SEC62: variants seen among roughly 807,000 people sequenced by gnomAD.
The protein encoded by SEC62 is SEC62 preprotein translocation factor, also known as translocation protein SEC62.
A neutral mutation model predicts 47.5 loss-of-function variants in SEC62; 10 were observed. The ratio of observed to expected loss-of-function variants is 0.21; its 90% confidence interval spans 0.13 to 0.36. SEC62 has a LOEUF of 0.36. Ranked by LOEUF, SEC62 falls within the 10% of genes least tolerant of loss-of-function variation. SEC62 has a pLI of 1.00. For synonymous variants in SEC62, 136 were observed against 150.5 expected (o/e 0.90, Z 0.71); for missense variants, 327 against 464.1 (o/e 0.70, Z 2.71).
At chr3:169,976,231 T>C (rs970835213) in intron 2 of SEC62, among the ~76,000 whole-genome samples, 11 of 152,084 alleles carry the variant, frequency 7.2e-5, no homozygotes, top group South Asian at 4.1e-4. Context: ...ACCCCATCTC[T>C]ACAAAAAAAT....
chr3:169,979,199 C>CT (rs752436303), intron 3 of SEC62, among the ~76,000 whole-genome samples: 10 of 152,166 alleles, frequency 6.6e-5, no homozygotes, highest in Non-Finnish European at 1.2e-4. Flanking sequence ...AATAGCATAA[C>CT]TTTAAGGTCT....
At chr3:169,979,272 A>G (rs780299174) in intron 3 of SEC62, among the ~76,000 whole-genome samples, 1 of 152,214 alleles carries the variant, frequency 6.6e-6, no homozygotes, top group Admixed American at 6.5e-5. Flanking sequence ...TTGCTGCCCA[A>G]TAGCAGACAA....
At chr3:169,972,906 T>C (rs1714733808) in intron 1 of SEC62, among the ~76,000 whole-genome samples, 1 of 152,178 alleles carries the variant, frequency 6.6e-6, no homozygotes, top group African/African-American at 2.4e-5. Context: ...AGGTCACATT[T>C]ATTCAGACTT....
rs555668742 is a variant in SEC62 at position 169,967,450 on chromosome 3, A to C, written c.36+592A>C. ...CCCTTCTTTCCCTTCAATATTATTAACTTAATAGTCCACTTGAAGCTTGCC... is the reference window on the plus strand; with the variant it reads ...CCCTTCTTTCCCTTCAATATTATTACCTTAATAGTCCACTTGAAGCTTGCC... On this transcript the variant is annotated intron_variant, in intron 1 of 7. Coordinates refer to ENST00000337002, the MANE Select transcript of SEC62 (RefSeq NM_003262.4). Among the ~76,000 whole-genome samples the C allele has an allele frequency of 3.9e-5, 6 of 152,206 alleles. No individual in the cohort carries two copies. The South Asian group carries it at 1.2e-3, about 32-fold the overall frequency.
intron 1 of SEC62, among the ~76,000 whole-genome samples, chr3:169,974,404 T>C (rs2108280991): frequency 6.6e-6 from 1 of 152,342 alleles, no homozygotes. Context: ...TATACAAAGA[T>C]AGACTGCCTT....
At chr3:169,978,115 T>C (rs927775834) in intron 3 of SEC62, among the ~76,000 whole-genome samples, 4 of 151,966 alleles carry the variant, frequency 2.6e-5, no homozygotes, top group Non-Finnish European at 4.4e-5. Context: ...CCATCTCTAC[T>C]AAAAATACAA....
Position 169,993,311 on chromosome 3 carries a change from T to G in SEC62, c.*248T>G, listed in dbSNP as rs781343023. 2.8e-6 allele frequency: 1 copy of G among 355,864 alleles called. No individual in the cohort carries two copies. Among genetic ancestry groups the G allele is most frequent in the Non-Finnish European group, 5.1e-6 (1 of 197,444 alleles). The allele number at this position is 355,864 out of a possible 1,614,324, so 22.0% of individuals were successfully genotyped here. A position where few individuals can be genotyped will look rare whatever the true frequency, so the allele number is the denominator to read the frequency against. On this transcript the variant is annotated 3_prime_UTR_variant, in exon 8 of 8. Transcript: ENST00000337002. The stretch of plus-strand genomic sequence containing the variant: ...TTACAGTAAGTAGGTCTCATTCATT[T>G]TGACAGTTATCAAAGATGTACTTTC...
At chr3:169,982,686 C>T (rs11925852) in intron 3 of SEC62, 21 bp from the exon 4 acceptor site, 2 of 1,602,062 alleles carry the variant, frequency 1.2e-6, no homozygotes, top group Non-Finnish European at 8.5e-7. Context: ...GAGTGTAATG[C>T]CATACCTGTT....
chr3:169,991,041 A>C (rs1261333842), intron 7 of SEC62, among the ~76,000 whole-genome samples: 1 of 152,224 alleles, frequency 6.6e-6, no homozygotes, highest in African/African-American at 2.4e-5. Context: ...TCAGCTCTAC[A>C]TAATTGGTAA....
At chr3:169,989,138 A>G (rs1001879417) in intron 7 of SEC62, among the ~76,000 whole-genome samples, 3 of 150,800 alleles carry the variant, frequency 2.0e-5, no homozygotes, top group Non-Finnish European at 4.4e-5. Flanking sequence ...CTGTCACCCA[A>G]GCTGAAGTGC....
chr3:169,983,904 A>G (rs1315454406), intron 5 of SEC62: 1 of 152,236 alleles, frequency 6.6e-6, no homozygotes, highest in Non-Finnish European at 1.5e-5. Flanking sequence ...TATCTCTTAC[A>G]GAATGTAAGT....
intron 1 of SEC62, among the ~76,000 whole-genome samples, chr3:169,967,288 G>A (rs1050395320): frequency 2.6e-5 from 4 of 152,210 alleles, no homozygotes; most frequent in Non-Finnish European, 5.9e-5. Flanking sequence ...CGGTAATAGG[G>A]GTAGCAGGAG....
chr3:169,982,499 T>C, intron 3 of SEC62: 1 of 522,372 alleles, frequency 1.9e-6, no homozygotes, highest in Admixed American at 2.7e-5. Flanking sequence ...TGAATATCAC[T>C]GAGTTTTGAC....
At position 169,997,459 on chromosome 3, in the gene SEC62, G is replaced by GGT. The variant is rs1553763274; in HGVS notation, c.*4396_*4397insGT. ...TGTCATGGACTCCTCAGAATAATGGGTTTTTTTTGTTTGTTTGTTTGTTTG... is the reference window on the plus strand; with the variant it reads ...TGTCATGGACTCCTCAGAATAATGGGGTTTTTTTTTGTTTGTTTGTTTGTTTG... On this transcript the variant is annotated 3_prime_UTR_variant, in exon 8 of 8. Transcript: ENST00000337002. 4 of 151,616 alleles carry GGT rather than the reference G, an allele frequency of 2.6e-5. No individual in the cohort carries two copies. Among genetic ancestry groups the GGT allele is most frequent in the African/African-American group, 9.7e-5 (4 of 41,218 alleles). 9.4% of individuals were successfully genotyped at this position (151,616 alleles called of 1,614,324 possible).
At chr3:169,968,119 T>G (rs1340715948) in intron 1 of SEC62, among the ~76,000 whole-genome samples, 1 of 152,230 alleles carries the variant, frequency 6.6e-6, no homozygotes, top group Non-Finnish European at 1.5e-5. Context: ...TCAGTAGAAG[T>G]TTCTAATTAT....
Position 169,993,287 on chromosome 3 carries a change from T to TA in SEC62, c.*225dup, listed in dbSNP as rs1305089147. 2 of 426,704 alleles carry TA rather than the reference T, an allele frequency of 4.7e-6. No homozygotes were observed. Among genetic ancestry groups the TA allele is most frequent in the Non-Finnish European group, 8.3e-6 (2 of 240,954 alleles). The allele number at this position is 426,704 out of a possible 1,614,324, so 26.4% of individuals were successfully genotyped here. On this transcript the variant is annotated 3_prime_UTR_variant, in exon 8 of 8. Transcript: ENST00000337002. The stretch of plus-strand genomic sequence containing the variant: ...ATATGTTTTATCCATTTGATAATTT[T>TA]ACAGTAAGTAGGTCTCATTCATTTT...
intron 3 of SEC62, 139 bp downstream of exon 3, chr3:169,977,190 G>C: frequency 2.1e-6 from 1 of 487,184 alleles, no homozygotes; most frequent in Non-Finnish European, 3.6e-6. Context: ...GATTTCTTTG[G>C]TACCTCTGGA....
rs777899137 is a variant in SEC62, at chr3:169,997,174, G to A, written c.*4111G>A. ...TGTGAGTTTCTGAGTAGGTCCCAAT[G>A]CGTTTATTTCATTTGTCCAACCTAG... On this transcript the variant is annotated 3_prime_UTR_variant, in exon 8 of 8. Coordinates refer to ENST00000337002, the MANE Select transcript of SEC62 (RefSeq NM_003262.4). The A allele has an allele frequency of 5.3e-5, 8 of 152,308 alleles. No homozygotes were observed. Among genetic ancestry groups the A allele is most frequent in the Non-Finnish European group, 8.8e-5 (6 of 68,024 alleles). 9.4% of individuals were successfully genotyped at this position (152,308 alleles called of 1,614,324 possible). A position where few individuals can be genotyped will look rare whatever the true frequency, so the allele number is the denominator to read the frequency against.
In SEC62 at chr3:169,982,928, T is replaced by G. The variant is rs1715016643; in HGVS notation, c.456+17T>G. On this transcript the variant is annotated intron_variant, in intron 4 of 7. Coordinates refer to ENST00000337002, the MANE Select transcript of SEC62 (RefSeq NM_003262.4). ...TCCAAAAAGGTGAGTTAATCTAAAA[T>G]TAAGTAAAAATTTAAAAATCATTAT... 6.4e-7 allele frequency: 1 copy of G among 1,561,318 alleles called. No homozygotes were observed. Among genetic ancestry groups the G allele is most frequent in the Non-Finnish European group, 8.6e-7 (1 of 1,165,088 alleles).
Sources: gnomAD v4.1 joint callset for allele counts (sites outside exome capture counted in the v4.1 genomes callset) on GRCh38, gnomAD v4.1.1 for gene constraint, MANE v1.5 for transcripts, NCBI Gene and HGNC (gene_info 2026-07-23, HGNC 2026-07-21) for gene names.